IAPP: variants seen among roughly 807,000 people sequenced by gnomAD.
The protein encoded by IAPP is islet amyloid polypeptide, also known as Islet amyloid polypeptide (diabetes-associated peptide; amylin).
Under a neutral mutation model 2.9 loss-of-function variants are expected in IAPP, and 4 were observed. The observed-to-expected ratio is 1.39, with a 90% CI of 0.69 to 3.19. The LOEUF is 3.19. IAPP is among the 30% of genes most tolerant of loss of function. The pLI is 0.01. For missense variants in IAPP, 114 were observed against 105.3 expected (o/e 1.08, Z -0.36); for synonymous variants, 40 against 42.1 (o/e 0.95, Z 0.19).
At chr12:21,368,617 G>A (rs1425185719), upstream of IAPP, among the ~76,000 whole-genome samples, 1 of 152,066 alleles carries the variant, frequency 6.6e-6, no homozygotes, top group African/African-American at 2.4e-5. Flanking sequence ...ACTAAAAAAT[G>A]TACAGTTAAA....
Position 21,373,405 on chromosome 12 carries a change from C to G in IAPP, c.54C>G (p.Asn18Lys). Residue 18 changes from asparagine (N) to lysine (K), a missense_variant, in exon 2 of 3, where the codon AAC becomes AAG. Coordinates refer to ENST00000240652, the MANE Select transcript of IAPP (RefSeq NM_000415.3). ...VFLIVLSVALNHLKATPIESH... is the reference protein window; with the variant it reads ...VFLIVLSVALKHLKATPIESH... ...TCATTGTGCTCTCTGTTGCATTGAA[C>G]CATCTGAAAGCTACACCCATTGAAA... The G allele has an allele frequency of 1.2e-6, 2 of 1,613,116 alleles. No individual in the cohort carries two copies. The highest frequency in any genetic ancestry group is 1.7e-6 in the Non-Finnish European group (2 of 1,179,198).
At chr12:21,376,402 A>G (rs1246108839) in intron 2 of IAPP, 1 of 286,860 alleles carries the variant, frequency 3.5e-6, no homozygotes, top group East Asian at 1.1e-4. Flanking sequence ...GTATGAAATT[A>G]CTAGTTCAAT....
chr12:21,364,254 A>C (rs1373349335), intron 1 of IAPP, among the ~76,000 whole-genome samples: 5 of 152,336 alleles, frequency 3.3e-5, no homozygotes, highest in Non-Finnish European at 7.3e-5. Context: ...TATGCAAATC[A>C]ATAAACATAA....
intron 1 of IAPP, among the ~76,000 whole-genome samples, chr12:21,362,176 A>G (rs1474286652): frequency 2.6e-5 from 4 of 152,330 alleles, no homozygotes; most frequent in East Asian, 3.9e-4. Context: ...AGGGAAGCCC[A>G]TTAGACTAAC....
At chr12:21,376,249 C>A in intron 2 of IAPP, 1 of 219,780 alleles carries the variant, frequency 4.5e-6, no homozygotes, top group Non-Finnish European at 9.9e-6. Context: ...ATATGCTAAA[C>A]ATATCTTGGA....
rs569574312 is a variant in IAPP at position 21,378,733 on chromosome 12, C to T, written c.*307C>T. 3.8e-6 allele frequency: 1 copy of T among 262,418 alleles called. No homozygotes were observed. Among genetic ancestry groups the T allele is most frequent in the African/African-American group, 2.2e-5 (1 of 45,454 alleles). 16.3% of individuals were successfully genotyped at this position (262,418 alleles called of 1,614,324 possible). On this transcript the variant is annotated 3_prime_UTR_variant, in exon 3 of 3. Coordinates refer to ENST00000240652, the MANE Select transcript of IAPP (RefSeq NM_000415.3). Reference sequence around the variant, plus strand: ...ACGAAGGAGAAAAAGGTAGTTTGAACCTTGGTAAATTGTAAACAGCTAATA... The same window carrying T: ...ACGAAGGAGAAAAAGGTAGTTTGAATCTTGGTAAATTGTAAACAGCTAATA...
intron 1 of IAPP, among the ~76,000 whole-genome samples, chr12:21,360,265 C>T (rs1938726037): frequency 6.6e-6 from 1 of 152,024 alleles, no homozygotes; most frequent in South Asian, 2.1e-4. Flanking sequence ...TGTGCATTGG[C>T]CAAAACCAGT....
At chr12:21,367,513 A>T (rs1265774096) in intron 1 of IAPP, among the ~76,000 whole-genome samples, 1 of 151,736 alleles carries the variant, frequency 6.6e-6, no homozygotes, top group Non-Finnish European at 1.5e-5. Context: ...AGAAGGAAAT[A>T]TTATCATATG....
At chr12:21,368,411 G>A (rs1939544726), upstream of IAPP, among the ~76,000 whole-genome samples, 1 of 151,974 alleles carries the variant, frequency 6.6e-6, no homozygotes, top group African/African-American at 2.4e-5. Flanking sequence ...AAATTAAAGA[G>A]TCACACAGAG....
At chr12:21,364,451 G>A (rs999309408) in intron 1 of IAPP, among the ~76,000 whole-genome samples, 1 of 152,068 alleles carries the variant, frequency 6.6e-6, no homozygotes, top group Non-Finnish European at 1.5e-5. Flanking sequence ...ATACTGAATG[G>A]GCAAAAACTG....
chr12:21,376,671 AAC>A (rs1396650505), intron 2 of IAPP, among the ~76,000 whole-genome samples: 2 of 152,006 alleles, frequency 1.3e-5, no homozygotes, highest in Non-Finnish European at 2.9e-5. Context: ...TTAAAAAAAA[AAC>A]AGTTTCACAT....
At chr12:21,364,604 A>G (rs943160130) in intron 1 of IAPP, among the ~76,000 whole-genome samples, 1 of 152,228 alleles carries the variant, frequency 6.6e-6, no homozygotes, top group African/African-American at 2.4e-5. Context: ...GAGGAAGTCA[A>G]ATTGTCCCTG....
At chr12:21,374,571 ATTTCAAGGCTTATTTAG>A (rs1940047781) in intron 2 of IAPP, 1 of 152,168 alleles carries the variant, frequency 6.6e-6, no homozygotes, top group Non-Finnish European at 1.5e-5. Flanking sequence ...GCTTTTTGTC[ATTTCAAGGCTTATTTAG>A]TTTACAGGGT....
At chr12:21,376,226 CTG>C (rs1940183051) in intron 2 of IAPP, 2 of 167,420 alleles carry the variant, frequency 1.2e-5, no homozygotes, top group Admixed American at 1.3e-4. Flanking sequence ...GTATTTCACA[CTG>C]TGCTTCAGTC....
chr12:21,362,273 C>G (rs1011293770), intron 1 of IAPP, among the ~76,000 whole-genome samples: 5 of 152,094 alleles, frequency 3.3e-5, no homozygotes, highest in Non-Finnish European at 5.9e-5. Context: ...GAATTTTCAA[C>G]CCAGAATTTC....
intron 2 of IAPP, chr12:21,373,701 A>C: frequency 1.4e-6 from 1 of 701,850 alleles, no homozygotes; most frequent in Non-Finnish European, 2.6e-6. Context: ...AGAGGGGCAA[A>C]GCCAGAACAT....
Position 21,378,516 on chromosome 12 carries a change from A to G in IAPP, c.*90A>G. On this transcript the variant is annotated 3_prime_UTR_variant, in exon 3 of 3. Transcript: ENST00000240652. ...CCCTTTTCATCTCCAGTGTGAATAT[A>G]TGGTCTGTGTGTCTGATGTTTGTTG... is the stretch of plus-strand genomic sequence containing the variant. 4.6e-6 allele frequency: 5 copies of G among 1,080,658 alleles called. No individual in the cohort carries two copies. Among genetic ancestry groups the G allele is most frequent in the Non-Finnish European group, 7.1e-6 (5 of 702,646 alleles). The allele number at this position is 1,080,658 out of a possible 1,614,324, so 66.9% of individuals were successfully genotyped here.
intron 1 of IAPP, 97 bp downstream of exon 1, chr12:21,373,101 A>G: frequency 1.9e-6 from 1 of 513,648 alleles, no homozygotes; most frequent in Non-Finnish European, 3.5e-6. Flanking sequence ...GGCTAAAGGG[A>G]GAATGTATTA....
upstream of IAPP, among the ~76,000 whole-genome samples, chr12:21,371,884 C>A (rs988853358): frequency 6.6e-6 from 1 of 151,926 alleles, no homozygotes; most frequent in Non-Finnish European, 1.5e-5. Flanking sequence ...TGCCTGTAAT[C>A]CCAGCTACTC....
Sources: allele counts gnomAD v4.1 joint callset (sites outside exome capture counted in the v4.1 genomes callset), GRCh38; gene constraint gnomAD v4.1.1; transcripts MANE v1.5; gene names NCBI Gene and HGNC (gene_info 2026-07-23, HGNC 2026-07-21).